The following MRTFA variants were observed in gnomAD, a reference collection of about 807,000 sequenced individuals.
MRTFA encodes the protein myocardin related transcription factor A.
Under a neutral mutation model 83.5 loss-of-function variants are expected in MRTFA, and 20 were observed. The observed-to-expected ratio is 0.24, with a 90% confidence interval of 0.17 to 0.35. The LOEUF (loss-of-function observed/expected upper bound fraction) is 0.35. MRTFA is among the 10% of genes least tolerant of loss of function. The probability of loss-of-function intolerance (pLI) is 1.00; values close to 1 mark genes in which losing one functional copy is unlikely to be tolerated. For missense variants in MRTFA, 1,200 were observed against 1,224.7 expected (o/e 0.98, Z 0.30); for synonymous variants, 659 against 541.2 (o/e 1.22, Z -3.02).
At chr22:40,522,541 T>C (rs1287776519) in intron 3 of MRTFA, 1 of 152,422 alleles carries the variant, frequency 6.6e-6, no homozygotes, top group Admixed American at 6.5e-5. Flanking sequence ...TTTGTTTTGT[T>C]TTGAGGCAGG....
intron 2 of MRTFA, among the ~76,000 whole-genome samples, chr22:40,573,542 A>T (rs2055827548): frequency 6.6e-6 from 1 of 152,150 alleles, no homozygotes; most frequent in Non-Finnish European, 1.5e-5. Context: ...GGCATGAACC[A>T]CCGTGCCTGG....
intron 2 of MRTFA, among the ~76,000 whole-genome samples, chr22:40,577,972 G>A (rs527633775): frequency 3.3e-5 from 5 of 150,064 alleles, no homozygotes; most frequent in Admixed American, 1.3e-4. Flanking sequence ...TTTTTCCCCC[G>A]AGACAGAGTC....
chr22:40,601,365 C>T (rs1233726392), intron 1 of MRTFA, among the ~76,000 whole-genome samples: 1 of 152,096 alleles, frequency 6.6e-6, no homozygotes, highest in Non-Finnish European at 1.5e-5. Context: ...CAGGCATGTG[C>T]CACCATGCCT....
intron 3 of MRTFA, among the ~76,000 whole-genome samples, chr22:40,550,087 T>G: frequency 6.7e-6 from 1 of 149,990 alleles, no homozygotes; most frequent in Non-Finnish European, 1.5e-5. Context: ...AAAGATGAGA[T>G]TGATAGATAT....
At position 40,418,581 on chromosome 22, in the gene MRTFA, C is replaced by T. The variant is rs372005183; in HGVS notation, c.2157G>A (p.Pro719=). The T allele has an allele frequency of 1.4e-4, 222 of 1,550,012 alleles. 1 individual carries two copies. Among genetic ancestry groups the T allele is most frequent in the South Asian group, 5.3e-4 (42 of 79,244 alleles). ...AGGCTTCCTGCTTCACCACCACGGA[C>T]GGGGGCCCCGGGGCCACAGCACAAG... Residue 719 remains proline (P), a synonymous_variant, in exon 12 of 15, where the codon CCG becomes CCA. Coordinates refer to ENST00000355630, the MANE Select transcript of MRTFA (RefSeq NM_020831.6).
chr22:40,473,027 AAAGAG>A (rs2053940786), intron 3 of MRTFA, among the ~76,000 whole-genome samples: 1 of 152,232 alleles, frequency 6.6e-6, no homozygotes, highest in Non-Finnish European at 1.5e-5. Flanking sequence ...ACAACCCAAT[AAAGAG>A]ATAAAATCTG....
chr22:40,571,567 T>C (rs548690228), intron 2 of MRTFA, among the ~76,000 whole-genome samples: 1 of 152,104 alleles, frequency 6.6e-6, no homozygotes, highest in Non-Finnish European at 1.5e-5. Flanking sequence ...TATAAAGAAC[T>C]CTTACAATTC....
chr22:40,608,154 A>G (rs1276710033), intron 1 of MRTFA, among the ~76,000 whole-genome samples: 3 of 152,152 alleles, frequency 2.0e-5, no homozygotes, highest in Non-Finnish European at 4.4e-5. Flanking sequence ...ACTCCCGAGT[A>G]GTTGGGACTA....
Position 40,415,496 on chromosome 22 carries a change from C to G in MRTFA, c.2578+1490G>C, listed in dbSNP as rs144468277. 303 of 152,564 alleles carry G rather than the reference C, an allele frequency of 2.0e-3. 2 individuals carry two copies. The highest frequency in any genetic ancestry group is 3.5e-3 in the Admixed American group (53 of 15,304). 9.5% of individuals were successfully genotyped at this position (152,564 alleles called of 1,614,324 possible). ...CCAGGCTGAGCTCCCACTTTGCCTG[C>G]ACCCCTCAGCCGCTCCTCCTCCTCC... On this transcript the variant is annotated intron_variant, in intron 14 of 14. Coordinates refer to ENST00000355630, the MANE Select transcript of MRTFA (RefSeq NM_020831.6).
At chr22:40,561,200 GTGTGTGTGTGTC>G (rs762650678) in intron 2 of MRTFA, among the ~76,000 whole-genome samples, 3 of 136,822 alleles carry the variant, frequency 2.2e-5, no homozygotes, top group Non-Finnish European at 3.2e-5. Context: ...GTATCTCTGT[GTGTGTGTGTGTC>G]TGTGTGTGTG....
At chr22:40,619,177 G>A (rs1444708139) in intron 1 of MRTFA, among the ~76,000 whole-genome samples, 1 of 151,846 alleles carries the variant, frequency 6.6e-6, no homozygotes, top group African/African-American at 2.4e-5. Flanking sequence ...TTAAATAAAG[G>A]AGGCTGTCCT....
intron 1 of MRTFA, among the ~76,000 whole-genome samples, chr22:40,636,222 G>A (rs529421553): frequency 1.3e-5 from 2 of 152,316 alleles, no homozygotes; most frequent in South Asian, 2.1e-4. Flanking sequence ...AGCCCTGCCA[G>A]GCAGTGCACA....
intron 3 of MRTFA, among the ~76,000 whole-genome samples, chr22:40,470,240 T>C (rs2053878947): frequency 4.1e-5 from 1 of 24,568 alleles, no homozygotes; most frequent in Non-Finnish European, 1.0e-4. Context: ...TTTATATATA[T>C]ATATATATAT....
chr22:40,587,510 T>C (rs993125256), intron 2 of MRTFA: 5 of 303,544 alleles, frequency 1.6e-5, no homozygotes, highest in South Asian at 3.1e-5. Flanking sequence ...GCCTCCTTGA[T>C]TGTCTTGTAG....
chr22:40,429,802 T>A, intron 6 of MRTFA, 35 bp from the exon 7 acceptor site: 1 of 1,573,940 alleles, frequency 6.4e-7, no homozygotes, highest in Non-Finnish European at 8.6e-7. Flanking sequence ...CAGGAAGATA[T>A]ATGAGTGGAC....
At chr22:40,623,771 T>C (rs949432075) in intron 1 of MRTFA, among the ~76,000 whole-genome samples, 4 of 152,226 alleles carry the variant, frequency 2.6e-5, no homozygotes, top group African/African-American at 7.2e-5. Context: ...ATGCTTTACA[T>C]TCAGGTAACT....
intron 3 of MRTFA, among the ~76,000 whole-genome samples, chr22:40,500,610 G>A (rs1261571351): frequency 2.0e-5 from 3 of 151,824 alleles, no homozygotes; most frequent in African/African-American, 7.3e-5. Flanking sequence ...CGAGCATGCT[G>A]CCTTCAAGCA....
chr22:40,462,491 C>G (rs772738467), intron 4 of MRTFA, among the ~76,000 whole-genome samples: 3 of 152,110 alleles, frequency 2.0e-5, no homozygotes, highest in Non-Finnish European at 4.4e-5. Context: ...TGATAACATA[C>G]AAACAGAAAA....
chr22:40,509,862 C>T (rs1249577733), intron 3 of MRTFA, among the ~76,000 whole-genome samples: 1 of 149,984 alleles, frequency 6.7e-6, no homozygotes, highest in Non-Finnish European at 1.5e-5. Context: ...AGTGCAAGGC[C>T]ATGAGGTTAA....
Sources: allele counts gnomAD v4.1 joint callset (sites outside exome capture counted in the v4.1 genomes callset), GRCh38; gene constraint gnomAD v4.1.1; transcripts MANE v1.5; gene names NCBI Gene and HGNC (gene_info 2026-07-23, HGNC 2026-07-21).